The following TLL2 variants were observed in gnomAD, a reference collection of about 807,000 sequenced individuals.
TLL2 encodes tolloid-like protein 2.
A neutral mutation model predicts 123.0 loss-of-function variants in TLL2; 106 were observed. The ratio of observed to expected loss-of-function variants is 0.86; its 90% CI spans 0.74 to 1.01. TLL2 has a LOEUF of 1.01. Among genes scored for constraint, TLL2 ranks in the 50% least tolerant of loss-of-function variants. The probability of loss-of-function intolerance (pLI) is 0.00; values close to 1 mark genes in which losing one functional copy is unlikely to be tolerated. For synonymous variants in TLL2, 494 were observed against 516.8 expected (o/e 0.96, Z 0.60); for missense variants, 1,332 against 1,336.7 (o/e 1.00, Z 0.06).
chr10:96,427,068 C>T (rs991744772), intron 5 of TLL2, among the ~76,000 whole-genome samples: 2 of 152,098 alleles, frequency 1.3e-5, no homozygotes, highest in Non-Finnish European at 2.9e-5. Context: ...CTTTCATTAC[C>T]TAGACATTCT....
chr10:96,509,754 A>C (rs1847609649), intron 1 of TLL2, among the ~76,000 whole-genome samples: 1 of 152,188 alleles, frequency 6.6e-6, no homozygotes, highest in Admixed American at 6.5e-5. Context: ...GAGATCATCC[A>C]GGATAACACG....
chr10:96,422,808 T>TGTGTGTGC, intron 5 of TLL2, 81 bp from the exon 6 acceptor site: 1 of 1,458,416 alleles, frequency 6.9e-7, no homozygotes, highest in Non-Finnish European at 9.5e-7. Context: ...CCACTCTGTA[T>TGTGTGTGC]GTGTGTGCGT....
intron 2 of TLL2, among the ~76,000 whole-genome samples, chr10:96,477,876 C>T (rs1847275018): frequency 6.6e-6 from 1 of 152,196 alleles, no homozygotes; most frequent in Non-Finnish European, 1.5e-5. Flanking sequence ...CTTCATCTGC[C>T]TCCATCTCCT....
chr10:96,385,434 A>C (rs1176723149), intron 15 of TLL2, among the ~76,000 whole-genome samples: 1 of 152,196 alleles, frequency 6.6e-6, no homozygotes, highest in Non-Finnish European at 1.5e-5. Context: ...TGGGGTCATC[A>C]GCATTGAGGT....
At chr10:96,386,807 T>G in intron 14 of TLL2, 146 bp downstream of exon 14, 1 of 1,214,262 alleles carries the variant, frequency 8.2e-7, no homozygotes, top group South Asian at 1.4e-5. Flanking sequence ...CTGTTTCTCC[T>G]TCTAGGAAGT....
intron 2 of TLL2, among the ~76,000 whole-genome samples, chr10:96,469,349 T>C (rs1199964394): frequency 2.0e-5 from 3 of 152,254 alleles, no homozygotes; most frequent in Admixed American, 6.5e-5. Context: ...CCCTAATCCT[T>C]ACTTCCTACA....
intron 2 of TLL2, among the ~76,000 whole-genome samples, chr10:96,475,892 G>C (rs1847234692): frequency 6.6e-6 from 1 of 152,078 alleles, no homozygotes; most frequent in African/African-American, 2.4e-5. Flanking sequence ...GGTCTCACGA[G>C]ATCTGACGGG....
intron 5 of TLL2, among the ~76,000 whole-genome samples, chr10:96,425,961 G>A (rs945632714): frequency 7.9e-5 from 12 of 151,868 alleles, no homozygotes; most frequent in Admixed American, 2.0e-4. Context: ...AAGTATCATC[G>A]ATAAACATGA....
chr10:96,458,040 G>A (rs770075226), intron 2 of TLL2, among the ~76,000 whole-genome samples: 1 of 152,108 alleles, frequency 6.6e-6, no homozygotes, highest in Non-Finnish European at 1.5e-5. Flanking sequence ...AGAGGTGGTG[G>A]CTGCAGGAGG....
chr10:96,382,017 T>A (rs2134055793), intron 16 of TLL2, among the ~76,000 whole-genome samples: 1 of 152,258 alleles, frequency 6.6e-6, no homozygotes, highest in South Asian at 2.1e-4. Flanking sequence ...TGCTACACAG[T>A]TTGCAAGGCT....
rs776348821 is a variant in TLL2, at chr10:96,413,317, C to G, written c.924-1G>C. ...AAGGATGGTGTCTAAGAAAACTCCTCTACAGGAAGGAAAAAAGACAGAAAA... is the reference window on the plus strand; with the variant it reads ...AAGGATGGTGTCTAAGAAAACTCCTGTACAGGAAGGAAAAAAGACAGAAAA... On this transcript the variant is annotated splice_acceptor_variant, in intron 7 of 20. Coordinates refer to ENST00000357947, the MANE Select transcript of TLL2 (RefSeq NM_012465.4). LOFTEE classifies it high-confidence loss of function. 5 of 1,612,628 alleles carry G rather than the reference C, an allele frequency of 3.1e-6. No individual in the cohort carries two copies. The highest frequency in any genetic ancestry group is 4.2e-6 in the Non-Finnish European group (5 of 1,178,826).
At chr10:96,493,970 T>C (rs1847443652) in intron 1 of TLL2, among the ~76,000 whole-genome samples, 1 of 152,148 alleles carries the variant, frequency 6.6e-6, no homozygotes, top group African/African-American at 2.4e-5. Context: ...AACTCAGACC[T>C]TTTGGCTCCA....
At chr10:96,431,695 G>C (rs964391338) in intron 4 of TLL2, among the ~76,000 whole-genome samples, 2 of 152,188 alleles carry the variant, frequency 1.3e-5, no homozygotes, top group Admixed American at 1.3e-4. Context: ...AGCTTAGACA[G>C]AGACAAAAAT....
chr10:96,444,348 A>G (rs1010761290), intron 3 of TLL2, among the ~76,000 whole-genome samples: 2 of 152,246 alleles, frequency 1.3e-5, no homozygotes, highest in African/African-American at 4.8e-5. Context: ...TGATAAGGAA[A>G]ACACTGAATA....
chr10:96,383,424 C>T (rs920697894), intron 16 of TLL2, among the ~76,000 whole-genome samples: 2 of 152,046 alleles, frequency 1.3e-5, no homozygotes, highest in African/African-American at 4.8e-5. Flanking sequence ...AGGCGGTTTC[C>T]CCCATACTGT....
intron 7 of TLL2, among the ~76,000 whole-genome samples, chr10:96,419,342 C>G (rs975069247): frequency 2.0e-5 from 3 of 152,190 alleles, no homozygotes; most frequent in African/African-American, 7.2e-5. Context: ...AACCCTCTCA[C>G]AAGGAAACCA....
At chr10:96,486,168 G>A (rs1040727777) in intron 1 of TLL2, among the ~76,000 whole-genome samples, 7 of 152,172 alleles carry the variant, frequency 4.6e-5, no homozygotes, top group African/African-American at 1.7e-4. Context: ...CTCATGAAAA[G>A]AAAATAATAA....
At chr10:96,449,205 T>C (rs1157924887) in intron 2 of TLL2, among the ~76,000 whole-genome samples, 1 of 152,190 alleles carries the variant, frequency 6.6e-6, no homozygotes, top group African/African-American at 2.4e-5. Flanking sequence ...AATGACTTGC[T>C]TGTCTTGAGG....
At chr10:96,505,571 A>G (rs1030342133) in intron 1 of TLL2, among the ~76,000 whole-genome samples, 16 of 152,204 alleles carry the variant, frequency 1.1e-4, no homozygotes, top group African/African-American at 3.9e-4. Flanking sequence ...ATTAGTAACC[A>G]CATTCATAGA....
Sources: gnomAD v4.1 joint callset for allele counts (sites outside exome capture counted in the v4.1 genomes callset) on GRCh38, gnomAD v4.1.1 for gene constraint, MANE v1.5 for transcripts, NCBI Gene and HGNC (gene_info 2026-07-23, HGNC 2026-07-21) for gene names.